The following NCAM1 variants were observed in gnomAD, a reference collection of about 807,000 sequenced individuals.
The protein encoded by NCAM1 is neural cell adhesion molecule 1.
In NCAM1, 14 loss-of-function variants were observed where a neutral mutation model predicts 109.8. That is an observed-to-expected ratio of 0.13 (90% CI 0.08 to 0.20). The LOEUF is 0.20. Ranked by LOEUF, NCAM1 falls within the 10% of genes least tolerant of loss-of-function variation. The probability of loss-of-function intolerance (pLI) is 1.00; values close to 1 mark genes in which losing one functional copy is unlikely to be tolerated. For synonymous variants in NCAM1, 418 were observed against 442.9 expected (o/e 0.94, Z 0.70); for missense variants, 774 against 1,109.9 (o/e 0.70, Z 4.30).
At chr11:113,047,071 A>C (rs1163066961) in intron 1 of NCAM1, among the ~76,000 whole-genome samples, 2 of 152,160 alleles carry the variant, frequency 1.3e-5, no homozygotes, top group African/African-American at 4.8e-5. Context: ...CAACGTAGGC[A>C]CTCAGGAGAT....
intron 1 of NCAM1, among the ~76,000 whole-genome samples, chr11:113,037,195 T>C (rs1453271992): frequency 2.0e-5 from 3 of 152,212 alleles, no homozygotes; most frequent in African/African-American, 7.2e-5. Context: ...TTTTAGCTTA[T>C]TTAGTCCTCA....
chr11:113,104,210 G>C lies in NCAM1; in HGVS notation c.53-98169G>C, dbSNP rs797038097. On this transcript the variant is annotated intron_variant, in intron 1 of 19. Coordinates refer to ENST00000316851, the MANE Select transcript of NCAM1 (RefSeq NM_181351.5). ...AACAGGTGAAGAGGAGGTGGGGTGG[G>C]GGGGGGGGCGGGGTGGTGGTGGCGG... 5.8e-4 allele frequency among the ~76,000 whole-genome samples: 76 copies of C among 130,874 alleles called. 1 individual carries two copies. Among genetic ancestry groups the C allele is most frequent in the African/African-American group, 1.9e-3 (68 of 35,932 alleles). The allele number at this position is 130,874 out of a possible 152,430, so 85.9% of individuals were successfully genotyped here.
chr11:112,977,696 G>A (rs1366281875), intron 1 of NCAM1, among the ~76,000 whole-genome samples: 3 of 151,810 alleles, frequency 2.0e-5, no homozygotes, highest in Middle Eastern at 3.2e-3. Context: ...GAGCTACAGC[G>A]CTTGGTGTTA....
At chr11:113,249,989 G>T (rs1255371442) in intron 15 of NCAM1, among the ~76,000 whole-genome samples, 1 of 152,178 alleles carries the variant, frequency 6.6e-6, no homozygotes, top group Admixed American at 6.5e-5. Context: ...GCTGGGAACC[G>T]GCCGTGCCCA....
At chr11:113,137,902 C>T (rs1183254425) in intron 1 of NCAM1, among the ~76,000 whole-genome samples, 3 of 151,864 alleles carry the variant, frequency 2.0e-5, no homozygotes, top group African/African-American at 7.3e-5. Flanking sequence ...GAAAAAGCAA[C>T]AAAGGCGACA....
intron 1 of NCAM1, among the ~76,000 whole-genome samples, chr11:112,992,213 A>C (rs1268462310): frequency 6.6e-6 from 1 of 152,160 alleles, no homozygotes. Context: ...TTTTTCAATG[A>C]AAATTCATAA....
At chr11:113,248,664 A>T (rs1411962722) in intron 15 of NCAM1, among the ~76,000 whole-genome samples, 1 of 152,120 alleles carries the variant, frequency 6.6e-6, no homozygotes, top group Non-Finnish European at 1.5e-5. Flanking sequence ...ACTGCCTGGG[A>T]TATGCATAAC....
At chr11:113,105,564 T>A (rs1362029442) in intron 1 of NCAM1, among the ~76,000 whole-genome samples, 1 of 152,194 alleles carries the variant, frequency 6.6e-6, no homozygotes, top group Non-Finnish European at 1.5e-5. Context: ...TATTCGTACA[T>A]TGAATATCAT....
At chr11:113,199,159 G>A (rs1233989985) in intron 1 of NCAM1, among the ~76,000 whole-genome samples, 1 of 152,196 alleles carries the variant, frequency 6.6e-6, no homozygotes, top group Non-Finnish European at 1.5e-5. Flanking sequence ...GAAAGCAAGA[G>A]ATGGGATACT....
At chr11:112,979,067 G>A (rs1364774209) in intron 1 of NCAM1, among the ~76,000 whole-genome samples, 2 of 151,658 alleles carry the variant, frequency 1.3e-5, no homozygotes, top group South Asian at 4.1e-4. Flanking sequence ...ATTGCTTTCT[G>A]TAATATTCAA....
intron 1 of NCAM1, among the ~76,000 whole-genome samples, chr11:113,042,646 C>T (rs1257556175): frequency 6.6e-6 from 1 of 152,178 alleles, no homozygotes; most frequent in East Asian, 1.9e-4. Context: ...ACCCCAGACA[C>T]ATCCATCACC....
intron 9 of NCAM1, among the ~76,000 whole-genome samples, chr11:113,229,133 A>C (rs1170776648): frequency 6.6e-6 from 1 of 152,254 alleles, no homozygotes; most frequent in Non-Finnish European, 1.5e-5. Context: ...AACTACCATC[A>C]GAGTGAACAG....
At chr11:112,994,015 C>A (rs781872982) in intron 1 of NCAM1, among the ~76,000 whole-genome samples, 1 of 152,200 alleles carries the variant, frequency 6.6e-6, no homozygotes, top group African/African-American at 2.4e-5. Context: ...AGCTGTCACC[C>A]TGGGATGACC....
At chr11:113,068,191 A>G (rs1017410927) in intron 1 of NCAM1, among the ~76,000 whole-genome samples, 8 of 152,142 alleles carry the variant, frequency 5.3e-5, no homozygotes, top group Admixed American at 1.3e-4. Flanking sequence ...GATTACAAGC[A>G]TGAGCCACTG....
intron 1 of NCAM1, among the ~76,000 whole-genome samples, chr11:113,011,832 T>A (rs532270638): frequency 6.6e-6 from 1 of 152,274 alleles, no homozygotes; most frequent in East Asian, 1.9e-4. Flanking sequence ...AAGAATTGAT[T>A]CAGATGGAAG....
intron 16 of NCAM1, among the ~76,000 whole-genome samples, chr11:113,258,301 G>A (rs993401330): frequency 1.3e-5 from 2 of 152,210 alleles, no homozygotes; most frequent in East Asian, 3.8e-4. Flanking sequence ...GTTTGGTGAG[G>A]GAGGTGGTTA....
Position 113,228,942 on chromosome 11 carries a change from T to C in NCAM1, c.1090-2703T>C, listed in dbSNP as rs1192115932. On this transcript the variant is annotated intron_variant, in intron 9 of 19. Coordinates refer to ENST00000316851, the MANE Select transcript of NCAM1 (RefSeq NM_181351.5). The stretch of plus-strand genomic sequence containing the variant: ...TATACAAAAATTAATTCAAGATGGA[T>C]TAAAGACTTAAATGTTAGACCTAAA... 1.2e-4 allele frequency among the ~76,000 whole-genome samples: 18 copies of C among 152,250 alleles called. 1 individual carries two copies. Among genetic ancestry groups the C allele is most frequent in the Admixed American group, 9.2e-4 (14 of 15,286 alleles).
chr11:113,027,896 T>C (rs1027776252), intron 1 of NCAM1, among the ~76,000 whole-genome samples: 1 of 152,160 alleles, frequency 6.6e-6, no homozygotes, highest in Non-Finnish European at 1.5e-5. Flanking sequence ...TTTTGATTCA[T>C]ATAGAATAGA....
intron 1 of NCAM1, among the ~76,000 whole-genome samples, chr11:112,967,897 TG>T (rs1260857344): frequency 2.6e-4 from 40 of 152,194 alleles, no homozygotes; most frequent in Non-Finnish European, 1.5e-5. Flanking sequence ...TATATAATTT[TG>T]AGGGCCTTCT....
Sources: gnomAD v4.1 joint callset for allele counts (sites outside exome capture counted in the v4.1 genomes callset) on GRCh38, gnomAD v4.1.1 for gene constraint, MANE v1.5 for transcripts, NCBI Gene and HGNC (gene_info 2026-07-23, HGNC 2026-07-21) for gene names.